The following STXBP5 variants were observed in gnomAD, a reference collection of about 807,000 sequenced individuals.
STXBP5 encodes syntaxin-binding protein 5.
A neutral mutation model predicts 152.4 loss-of-function variants in STXBP5; 50 were observed. The ratio of observed to expected loss-of-function variants is 0.33; its 90% confidence interval spans 0.26 to 0.42. The LOEUF (loss-of-function observed/expected upper bound fraction) is 0.42, where lower values mean the gene tolerates loss of function less well. Ranked by LOEUF, STXBP5 falls within the 10% of genes least tolerant of loss-of-function variation. The pLI, the probability that STXBP5 is intolerant of heterozygous loss-of-function variation, is 1.00. For synonymous variants in STXBP5, 492 were observed against 494.7 expected (o/e 0.99, Z 0.07); for missense variants, 1,167 against 1,388.6 (o/e 0.84, Z 2.54).
chr6:147,237,675 A>C (rs1017368052), intron 3 of STXBP5, among the ~76,000 whole-genome samples: 24 of 152,334 alleles, frequency 1.6e-4, no homozygotes, highest in Non-Finnish European at 3.4e-4. Flanking sequence ...ATGTCCTGGC[A>C]ACAGAAGTTA....
intron 2 of STXBP5, among the ~76,000 whole-genome samples, chr6:147,227,584 A>G (rs557464626): frequency 1.3e-5 from 2 of 152,168 alleles, no homozygotes; most frequent in African/African-American, 2.4e-5. Context: ...GTAAATTTCA[A>G]TAAGTATCTT....
At chr6:147,313,128 T>C (rs1782467590) in intron 11 of STXBP5, among the ~76,000 whole-genome samples, 1 of 152,186 alleles carries the variant, frequency 6.6e-6, no homozygotes, top group African/African-American at 2.4e-5. Context: ...TTGCAGTCTA[T>C]AAGGGACTAT....
intron 4 of STXBP5, among the ~76,000 whole-genome samples, chr6:147,247,601 C>T (rs1030519275): frequency 3.3e-5 from 5 of 152,142 alleles, no homozygotes; most frequent in African/African-American, 9.7e-5. Context: ...TGGATCACCT[C>T]CTAGAATAAA....
At position 147,275,745 on chromosome 6, in the gene STXBP5, G is replaced by T. The variant is rs563671522; in HGVS notation, c.715-2336G>T. Reference sequence around the variant, plus strand: ...CTAATTTTTTGTATTTTTTGGTAGAGACGGGGTTTCACCGTGTTAGCCAGG... The same window carrying T: ...CTAATTTTTTGTATTTTTTGGTAGATACGGGGTTTCACCGTGTTAGCCAGG... On this transcript the variant is annotated intron_variant, in intron 7 of 27. Coordinates refer to ENST00000321680, the MANE Select transcript of STXBP5 (RefSeq NM_001127715.4). Among the ~76,000 whole-genome samples, 181 of 151,616 alleles carry T rather than the reference G, an allele frequency of 1.2e-3. 2 individuals carry two copies. Among genetic ancestry groups the T allele is most frequent in the African/African-American group, 4.2e-3 (172 of 41,364 alleles).
intron 2 of STXBP5, among the ~76,000 whole-genome samples, chr6:147,227,807 T>G (rs1173791244): frequency 1.3e-5 from 2 of 152,202 alleles, no homozygotes; most frequent in Admixed American, 1.3e-4. Context: ...TTATACCTTT[T>G]TTTCTTTTCC....
At chr6:147,266,296 C>A (rs1175078560) in intron 6 of STXBP5, among the ~76,000 whole-genome samples, 1 of 151,926 alleles carries the variant, frequency 6.6e-6, no homozygotes, top group Non-Finnish European at 1.5e-5. Flanking sequence ...GCATACATTA[C>A]CCTGTTCGGT....
intron 16 of STXBP5, among the ~76,000 whole-genome samples, chr6:147,323,482 C>T (rs1783045914): frequency 6.6e-6 from 1 of 151,952 alleles, no homozygotes; most frequent in South Asian, 2.1e-4. Flanking sequence ...ACCGCTGCCT[C>T]CCAGGTTCAG....
chr6:147,226,771 T>C (rs1447353318), intron 2 of STXBP5, among the ~76,000 whole-genome samples: 1 of 152,224 alleles, frequency 6.6e-6, no homozygotes, highest in Non-Finnish European at 1.5e-5. Context: ...TTTATAATTC[T>C]GTTGCTAAAC....
intron 2 of STXBP5, among the ~76,000 whole-genome samples, chr6:147,220,930 G>GTTTTTGTTTCTA (rs1405652221): frequency 6.6e-6 from 1 of 151,926 alleles, no homozygotes; most frequent in South Asian, 2.1e-4. Context: ...TGTTGCCCTT[G>GTTTTTGTTTCTA]TTTTTGTTTC....
At position 147,373,860 on chromosome 6, in the gene STXBP5, A is replaced by C; in HGVS notation, c.3193+18A>C. 2 of 1,570,756 alleles carry C rather than the reference A, an allele frequency of 1.3e-6. No individual in the cohort carries two copies. The highest frequency in any genetic ancestry group is 1.8e-6 in the Non-Finnish European group (2 of 1,142,416). ...AGAACTATGTAAGTTGATTTATTTAATTCGGATAATATATCTATAAAACAG... is the reference window on the plus strand; with the variant it reads ...AGAACTATGTAAGTTGATTTATTTACTTCGGATAATATATCTATAAAACAG... On this transcript the variant is annotated intron_variant, in intron 26 of 27. Coordinates refer to ENST00000321680, the MANE Select transcript of STXBP5 (RefSeq NM_001127715.4).
At chr6:147,264,161 C>T (rs890620210) in intron 6 of STXBP5, among the ~76,000 whole-genome samples, 2 of 151,880 alleles carry the variant, frequency 1.3e-5, no homozygotes, top group South Asian at 2.1e-4. Flanking sequence ...AGACTCTTTC[C>T]TGTTTGCAAA....
intron 25 of STXBP5, among the ~76,000 whole-genome samples, chr6:147,371,657 G>A (rs568536400): frequency 6.6e-6 from 1 of 152,206 alleles, no homozygotes; most frequent in African/African-American, 2.4e-5. Flanking sequence ...TGGTTCCAAA[G>A]TTTATACTCA....
chr6:147,217,180 C>T (rs1389122436), intron 2 of STXBP5, among the ~76,000 whole-genome samples: 2 of 151,960 alleles, frequency 1.3e-5, no homozygotes, highest in Middle Eastern at 3.2e-3. Flanking sequence ...AAATGGTTTT[C>T]CTTTGTGCGT....
intron 2 of STXBP5, among the ~76,000 whole-genome samples, chr6:147,232,886 G>A (rs1409888885): frequency 1.3e-5 from 2 of 151,754 alleles, no homozygotes; most frequent in African/African-American, 4.8e-5. Flanking sequence ...TGACCTCTGT[G>A]TAACTGACTC....
At position 147,363,645 on chromosome 6, in the gene STXBP5, A is replaced by T; in HGVS notation, c.2856A>T (p.Ala952=). The T allele has an allele frequency of 6.2e-7, 1 of 1,614,132 alleles. No homozygotes were observed. Among genetic ancestry groups the T allele is most frequent in the East Asian group, 2.2e-5 (1 of 44,884 alleles). Residue 952 remains alanine (A), a synonymous_variant, in exon 24 of 28, where the codon GCA becomes GCT. Coordinates refer to ENST00000321680, the MANE Select transcript of STXBP5 (RefSeq NM_001127715.4). Reference sequence around the variant, plus strand: ...TTGTGCTTCGTGGAGATATTGTAGCATTGAGTAACAGTATCTGCCTTGCCT... The same window carrying T: ...TTGTGCTTCGTGGAGATATTGTAGCTTTGAGTAACAGTATCTGCCTTGCCT... ...TSFVLRGDIV[A]LSNSICLACF...
At chr6:147,289,244 C>A (rs994110379) in intron 8 of STXBP5, among the ~76,000 whole-genome samples, 1 of 152,164 alleles carries the variant, frequency 6.6e-6, no homozygotes, top group Non-Finnish European at 1.5e-5. Context: ...CCCACTCATG[C>A]CTACCTACCT....
chr6:147,339,513 T>TG, intron 21 of STXBP5, 129 bp downstream of exon 21: 1 of 672,194 alleles, frequency 1.5e-6, no homozygotes, highest in Non-Finnish European at 2.3e-6. Flanking sequence ...AATAATCTCT[T>TG]GGGCTGTGTC....
intron 2 of STXBP5, among the ~76,000 whole-genome samples, chr6:147,228,281 T>C (rs982629140): frequency 6.6e-6 from 1 of 152,174 alleles, no homozygotes; most frequent in Non-Finnish European, 1.5e-5. Context: ...TGTTCTATAA[T>C]TAGATCTTGT....
At chr6:147,345,497 A>G (rs972870764) in intron 21 of STXBP5, among the ~76,000 whole-genome samples, 1 of 152,130 alleles carries the variant, frequency 6.6e-6, no homozygotes, top group African/African-American at 2.4e-5. Context: ...TTCCAACATT[A>G]TCCCTTTCAA....
Sources: gnomAD v4.1 joint callset for allele counts (sites outside exome capture counted in the v4.1 genomes callset) on GRCh38, gnomAD v4.1.1 for gene constraint, MANE v1.5 for transcripts, NCBI Gene and HGNC (gene_info 2026-07-23, HGNC 2026-07-21) for gene names.